EBF1: variants seen among roughly 807,000 people sequenced by gnomAD.
The protein encoded by EBF1 is transcription factor COE1.
Under a neutral mutation model 68.4 loss-of-function variants are expected in EBF1, and 10 were observed. The observed-to-expected ratio is 0.15, with a 90% CI of 0.09 to 0.25. The LOEUF is 0.25. EBF1 is among the 10% of genes least tolerant of loss of function. The pLI, the probability that EBF1 is intolerant of heterozygous loss-of-function variation, is 1.00. For missense variants in EBF1, 509 were observed against 794.4 expected, an observed-to-expected ratio of 0.64 and a Z score of 4.32; for synonymous variants, 298 against 299.8, an observed-to-expected ratio of 0.99 and a Z score of 0.06.
intron 8 of EBF1, among the ~76,000 whole-genome samples, chr5:158,804,711 T>C (rs1341749930): frequency 6.6e-6 from 1 of 152,140 alleles, no homozygotes; most frequent in Non-Finnish European, 1.5e-5. Context: ...AGCTCAGAAT[T>C]TTATAACTCA....
intron 5 of EBF1, 116 bp from the exon 6 acceptor site, chr5:159,073,580 A>C: frequency 9.0e-7 from 1 of 1,110,640 alleles, no homozygotes; most frequent in Non-Finnish European, 1.3e-6. Flanking sequence ...ACAAAGCCAT[A>C]CCTGGCAATC....
At chr5:158,934,566 A>G in intron 6 of EBF1, among the ~76,000 whole-genome samples, 1 of 152,244 alleles carries the variant, frequency 6.6e-6, no homozygotes, top group Middle Eastern at 3.2e-3. Context: ...TTCAACTCTC[A>G]GACAGACCTT....
intron 5 of EBF1, among the ~76,000 whole-genome samples, chr5:159,080,243 C>G (rs1779510286): frequency 6.6e-6 from 1 of 152,172 alleles, no homozygotes; most frequent in Non-Finnish European, 1.5e-5. Context: ...TAAAATCCCC[C>G]TCCCTATTCC....
chr5:158,983,442 T>G (rs1389844507), intron 6 of EBF1: 1 of 152,174 alleles, frequency 6.6e-6, no homozygotes. Context: ...TTCCCAATAT[T>G]GGTGGAATGT....
At position 158,845,859 on chromosome 5, in the gene EBF1, A is replaced by G. The variant is rs569151317; in HGVS notation, c.555-5749T>C. Among the ~76,000 whole-genome samples, 126 of 152,326 alleles carry G rather than the reference A, an allele frequency of 8.3e-4. 1 individual carries two copies. Among genetic ancestry groups the G allele is most frequent in the Non-Finnish European group, 1.3e-3 (89 of 68,020 alleles). On this transcript the variant is annotated intron_variant, in intron 6 of 15. Transcript: ENST00000313708. ...CAGAACTGAAGGGCACACACAGTAA[A>G]ACTGCCCATTAGGCAACAGCTTGTA... is the stretch of plus-strand genomic sequence containing the variant.
chr5:159,081,644 G>A (rs1438597390), intron 5 of EBF1, among the ~76,000 whole-genome samples: 3 of 152,300 alleles, frequency 2.0e-5, no homozygotes, highest in East Asian at 3.9e-4. Context: ...GGGAACTCAA[G>A]GGAGCCCTGA....
intron 10 of EBF1, among the ~76,000 whole-genome samples, chr5:158,757,702 C>G (rs1427933): frequency 0.33 from 49,971 of 152,026 alleles, 8,538 homozygotes; most frequent in Non-Finnish European, 0.36. Context: ...CTGAACACCT[C>G]TTTGACTCAG....
rs549166925 is a variant in EBF1 at position 158,699,122 on chromosome 5, G to A, written c.1765C>T (p.Pro589Ser). Residue 589 changes from proline to serine, a missense_variant, in exon 16 of 16, where the codon CCT becomes TCT. Transcript: ENST00000313708. ...TCAAGGCAATTCTTTCACATAGGAG[G>A]AACAATCATGCCAGATATCGCTATG... is the stretch of plus-strand genomic sequence containing the variant. ...SLQAISGMIVPPM is the reference protein window; with the variant it reads ...SLQAISGMIVSPM 1 of 1,607,298 alleles carries A rather than the reference G, an allele frequency of 6.2e-7. No homozygotes were observed. Among genetic ancestry groups the A allele is most frequent in the African/African-American group, 1.3e-5 (1 of 74,508 alleles).
chr5:158,997,713 C>T (rs1260002873), intron 6 of EBF1, among the ~76,000 whole-genome samples: 3 of 152,158 alleles, frequency 2.0e-5, no homozygotes, highest in Non-Finnish European at 2.9e-5. Context: ...AACATGTCAT[C>T]CCTCTTGTAA....
intron 6 of EBF1, among the ~76,000 whole-genome samples, chr5:158,947,323 T>A (rs1313779790): frequency 1.3e-5 from 2 of 152,152 alleles, no homozygotes; most frequent in African/African-American, 4.8e-5. Flanking sequence ...ATTGTGGTAT[T>A]GGCAACCGGG....
intron 10 of EBF1, among the ~76,000 whole-genome samples, chr5:158,773,589 G>A (rs1269105370): frequency 2.6e-5 from 4 of 151,980 alleles, no homozygotes; most frequent in African/African-American, 9.7e-5. Context: ...CCTTGTCCTG[G>A]TGTCCCATTC....
chr5:158,761,881 TTTATGTAA>T (rs1231093708), intron 10 of EBF1, among the ~76,000 whole-genome samples: 12 of 152,228 alleles, frequency 7.9e-5, no homozygotes, highest in Non-Finnish European at 1.3e-4. Flanking sequence ...CTCTTCTCTT[TTTATGTAA>T]AAGCCTATGG....
intron 6 of EBF1, among the ~76,000 whole-genome samples, chr5:159,012,509 G>T (rs920446352): frequency 6.6e-6 from 1 of 151,462 alleles, no homozygotes; most frequent in East Asian, 1.9e-4. Flanking sequence ...TTTAGACAGG[G>T]TCTCACTCTG....
intron 6 of EBF1, among the ~76,000 whole-genome samples, chr5:158,913,120 G>A (rs142718721): frequency 2.0e-5 from 3 of 152,292 alleles, no homozygotes; most frequent in Non-Finnish European, 2.9e-5. Flanking sequence ...CAATTATCCT[G>A]TACCGCTGGG....
intron 9 of EBF1, among the ~76,000 whole-genome samples, chr5:158,787,106 A>C (rs557025693): frequency 6.6e-6 from 1 of 152,336 alleles, no homozygotes; most frequent in African/African-American, 2.4e-5. Flanking sequence ...AAAAAACTGA[A>C]GCCAAACCCC....
intron 10 of EBF1, among the ~76,000 whole-genome samples, chr5:158,744,403 G>T (rs1286932431): frequency 1.3e-5 from 2 of 152,078 alleles, no homozygotes; most frequent in East Asian, 3.9e-4. Context: ...AAAATATAAG[G>T]TGTTATCAAC....
chr5:158,985,758 A>G (rs1439146871), intron 6 of EBF1: 1 of 152,256 alleles, frequency 6.6e-6, no homozygotes, highest in Non-Finnish European at 1.5e-5. Flanking sequence ...GATCAGTAAT[A>G]AAGCCATTAA....
intron 10 of EBF1, among the ~76,000 whole-genome samples, chr5:158,745,896 G>A (rs373211957): frequency 2.6e-5 from 4 of 152,106 alleles, no homozygotes; most frequent in Non-Finnish European, 5.9e-5. Flanking sequence ...TTTCTTTCAC[G>A]TGCCATCCCA....
At chr5:158,976,603 C>A (rs1756814450) in intron 6 of EBF1, among the ~76,000 whole-genome samples, 1 of 152,112 alleles carries the variant, frequency 6.6e-6, no homozygotes, top group African/African-American at 2.4e-5. Context: ...AGGATTTCAA[C>A]CTAGATCATT....
Sources: allele counts gnomAD v4.1 joint callset (sites outside exome capture counted in the v4.1 genomes callset), GRCh38; gene constraint gnomAD v4.1.1; transcripts MANE v1.5; gene names NCBI Gene and HGNC (gene_info 2026-07-23, HGNC 2026-07-21).